Variants in IL13RA2 observed in about 807,000 individuals in gnomAD.
IL13RA2 encodes the protein interleukin-13 receptor subunit alpha-2.
IL13RA2 carries 25 observed loss-of-function variants against 34.1 expected under a neutral mutation model. The observed-to-expected ratio is 0.73, with a 90% CI of 0.53 to 1.03. The LOEUF is 1.03. Ranked by LOEUF, IL13RA2 falls within the 50% of genes least tolerant of loss-of-function variation. The pLI, the probability that IL13RA2 is intolerant of heterozygous loss-of-function variation, is 0.00. For missense variants in IL13RA2, 297 were observed against 280.9 expected, an observed-to-expected ratio of 1.06 and a Z score of -0.41; for synonymous variants, 106 against 100.4, an observed-to-expected ratio of 1.06 and a Z score of -0.33.
intron 2 of IL13RA2, among the ~76,000 whole-genome samples, chrX:115,016,230 T>C (rs1415300250): frequency 1.8e-5 from 2 of 111,572 alleles, no homozygotes; most frequent in Non-Finnish European, 3.8e-5. Context: ...ATAGTGGTGA[T>C]TGTTGCACAA....
intron 2 of IL13RA2, among the ~76,000 whole-genome samples, 199 bp downstream of exon 2, chrX:115,016,977 A>G (rs782052837): frequency 1.8e-5 from 2 of 111,155 alleles, no homozygotes; most frequent in African/African-American, 6.5e-5. Flanking sequence ...TGTCAACATC[A>G]GTTACCTTAT....
intron 1 of IL13RA2, 105 bp from the exon 2 acceptor site, chrX:115,017,407 GAA>G (rs1556510448): frequency 8.9e-6 from 4 of 447,112 alleles, no homozygotes; most frequent in Non-Finnish European, 1.6e-5. Flanking sequence ...TCTCTACCAA[GAA>G]CTGGGAAAAC....
rs1569507209 is a variant in IL13RA2 at position 115,008,074 on chromosome X, A to G, written c.855T>C (p.Thr285=). 8.7e-7 allele frequency: 1 copy of G among 1,148,893 alleles called. No individual in the cohort carries two copies. Among genetic ancestry groups the G allele is most frequent in the Non-Finnish European group, 1.2e-6 (1 of 840,738 alleles). 94.7% of individuals were successfully genotyped at this position (1,148,893 alleles called of 1,213,427 possible). A position where few individuals can be genotyped will look rare whatever the true frequency, so the allele number is the denominator to read the frequency against. Residue 285 remains threonine (T), a splice_region_variant and synonymous_variant, in exon 8 of 10, where the codon ACT becomes ACC. Transcript: ENST00000243213. ...EIREDDTTLV[T]ATVENETYTL... ...TGTATGTTTCATTTTCAACTGTAGC[A>G]GTCTGAAAGCCAAGGACAAAATCAG...
Position 115,014,474 on chromosome X carries a change from C to G in IL13RA2, c.347G>C (p.Gly116Ala). Residue 116 changes from glycine to alanine, a missense_variant, in exon 4 of 10, where the codon GGA becomes GCA. By Grantham distance (60) the Gly-to-Ala change is moderately conservative. Transcript: ENST00000243213. ...HTLLPWQCTN[G>A]SEVQSSWAET... Reference sequence around the variant, plus strand: ...TGCCCAGGAACTTTGAACTTCTGATCCATTTGTGCATTGCCATGGTAAAAG... The same window carrying G: ...TGCCCAGGAACTTTGAACTTCTGATGCATTTGTGCATTGCCATGGTAAAAG... 2 of 1,191,416 alleles carry G rather than the reference C, an allele frequency of 1.7e-6. No individual in the cohort carries two copies. Among genetic ancestry groups the G allele is most frequent in the South Asian group, 1.8e-5 (1 of 54,445 alleles).
intron 5 of IL13RA2, among the ~76,000 whole-genome samples, chrX:115,013,003 G>A (rs1336228752): frequency 9.0e-6 from 1 of 111,390 alleles, no homozygotes; most frequent in East Asian, 2.8e-4. Context: ...ATTGAGTGGA[G>A]CATTCACATT....
intron 3 of IL13RA2, among the ~76,000 whole-genome samples, chrX:115,014,835 T>C (rs781829938): frequency 2.7e-5 from 3 of 109,466 alleles, no homozygotes; most frequent in East Asian, 5.6e-4. Context: ...AAAAAAACTT[T>C]ATGGCAGAAA....
At chrX:115,015,465 T>TG (rs1397517980) in intron 3 of IL13RA2, among the ~76,000 whole-genome samples, 5 of 111,639 alleles carry the variant, frequency 4.5e-5, no homozygotes, top group African/African-American at 1.6e-4. Flanking sequence ...TTGTTTTTTT[T>TG]CTTGTTCTTC....
Position 115,005,169 on chromosome X carries a change from C to T in IL13RA2, c.1116+28G>A, listed in dbSNP as rs782340221. 7.5e-6 allele frequency: 5 copies of T among 665,209 alleles called. No individual in the cohort carries two copies. The South Asian group carries it at 8.7e-5, about 12-fold the overall frequency. 54.8% of individuals were successfully genotyped at this position (665,209 alleles called of 1,213,427 possible). On this transcript the variant is annotated intron_variant, in intron 9 of 9. Transcript: ENST00000243213. ...ATTTTAAAAATCTCCTATTCTCAGGCTAAACATCATAATGTTACACATCTT... is the reference window on the plus strand; with the variant it reads ...ATTTTAAAAATCTCCTATTCTCAGGTTAAACATCATAATGTTACACATCTT...
At position 115,009,680 on chromosome X, in the gene IL13RA2, G is replaced by A. The variant is rs782260331; in HGVS notation, c.707-14C>T. ...GCAAAGGTTTAACTGAAAAGCAAAAGAGAACCATTTCAACACGGAGATTGT... is the reference window on the plus strand; with the variant it reads ...GCAAAGGTTTAACTGAAAAGCAAAAAAGAACCATTTCAACACGGAGATTGT... On this transcript the variant is annotated splice_polypyrimidine_tract_variant and intron_variant, in intron 6 of 9. Coordinates refer to ENST00000243213, the MANE Select transcript of IL13RA2 (RefSeq NM_000640.3). The A allele has an allele frequency of 9.2e-6, 11 of 1,197,709 alleles. No homozygotes were observed. In the East Asian group the frequency reaches 3.0e-4, roughly 32 times the overall value.
In IL13RA2 at chrX:115,015,596, C is replaced by T. The variant is rs17095073; in HGVS notation, c.246+74G>A. On this transcript the variant is annotated intron_variant, in intron 3 of 9. Transcript: ENST00000243213. ...AACTATTGAGATATGGGAATTGGAG[C>T]GGACACTAAAGTCAGGAATCACAAA... The T allele has an allele frequency of 2.1e-3, 1,866 of 897,833 alleles. 18 individuals are homozygous for T. The African/African-American group carries it at 0.029, about 14-fold the overall frequency. 74.0% of individuals were successfully genotyped at this position (897,833 alleles called of 1,213,427 possible).
At position 115,009,068 on chromosome X, in the gene IL13RA2, T is replaced by C. The variant is rs782356005; in HGVS notation, c.852+453A>G. ...AAAGGCATCACCACATTGTTGGTGC[T>C]GGTGGCAGTAATTAGTCTTGCAACC... On this transcript the variant is annotated intron_variant, in intron 7 of 9. Coordinates refer to ENST00000243213, the MANE Select transcript of IL13RA2 (RefSeq NM_000640.3). 4.8e-3 allele frequency among the ~76,000 whole-genome samples: 535 copies of C among 111,741 alleles called. 3 individuals are homozygous for C. Among genetic ancestry groups the C allele is most frequent in the African/African-American group, 0.017 (523 of 30,750 alleles).
rs781785465 is a variant in IL13RA2 at position 115,013,772 on chromosome X, TA to T, written c.517del (p.Tyr173ThrfsTer23). The T allele has an allele frequency of 1.9e-6, 2 of 1,039,740 alleles. No homozygotes were observed. The highest frequency in any genetic ancestry group is 1.3e-6 in the Non-Finnish European group (1 of 748,374). The allele number at this position is 1,039,740 out of a possible 1,213,427, so 85.7% of individuals were successfully genotyped here. ...VLLDTNYNLF[Y>X]WYEGLDHALQ... ...TTCTAATTATAAAAATACTTACCAG[TA>T]AAACAAGTTGTAATTGGTATCAAGA... On this transcript the variant is annotated frameshift_variant, in exon 5 of 10. Transcript: ENST00000243213. LOFTEE classifies it high-confidence loss of function.
chrX:115,005,399 G>T (rs970474870), intron 8 of IL13RA2, 84 bp from the exon 9 acceptor site: 1 of 564,348 alleles, frequency 1.8e-6, no homozygotes, highest in Non-Finnish European at 3.1e-6. Context: ...AAATACTTCA[G>T]AACTGAGTTG....
rs782461966 is a variant in IL13RA2, at chrX:115,012,155, A to C, written c.522-1327T>G. On this transcript the variant is annotated intron_variant, in intron 5 of 9. Transcript: ENST00000243213. Reference sequence around the variant, plus strand: ...TTTATCTATTATTATTTTCTAAAGAAAGATGCCATGATAATTTGGAACTAG... The same window carrying C: ...TTTATCTATTATTATTTTCTAAAGACAGATGCCATGATAATTTGGAACTAG... 5.3e-4 allele frequency among the ~76,000 whole-genome samples: 59 copies of C among 112,345 alleles called. No homozygotes were observed. The South Asian group carries it at 6.6e-3, about 13-fold the overall frequency.
At position 115,015,210 on chromosome X, in the gene IL13RA2, A is replaced by C. The variant is rs943512662; in HGVS notation, c.246+460T>G. On this transcript the variant is annotated intron_variant, in intron 3 of 9. Coordinates refer to ENST00000243213, the MANE Select transcript of IL13RA2 (RefSeq NM_000640.3). ...TGAGTATATAAGTAGTTAATAATTC[A>C]AAACATTTTCATTGAGCTCTTACTA... 7.2e-5 allele frequency among the ~76,000 whole-genome samples: 8 copies of C among 111,707 alleles called. No homozygotes were observed. The Admixed American group carries it at 7.6e-4, about 11-fold the overall frequency.
chrX:115,006,495 C>T (rs1308306480), intron 8 of IL13RA2, among the ~76,000 whole-genome samples: 2 of 110,802 alleles, frequency 1.8e-5, no homozygotes, highest in Non-Finnish European at 3.8e-5. Flanking sequence ...CCAGCCTAGC[C>T]GACACGGTGA....
Position 115,014,572 on chromosome X carries a change from G to A in IL13RA2, c.249C>T (p.Thr83=). Residue 83 remains threonine, a splice_region_variant and synonymous_variant, in exon 4 of 10, where the codon ACC becomes ACT. Transcript: ENST00000243213. ...YRNIGSETWK[T]IITKNLHYKD... is the part of the protein sequence containing the mutation. ...TGTAATGTAGATTCTTAGTAATGAT[G>A]GTCTGTTTGACAAAAAGATGAGACA... The A allele has an allele frequency of 1.0e-5, 12 of 1,168,453 alleles. No individual in the cohort carries two copies. The highest frequency in any genetic ancestry group is 1.4e-5 in the Non-Finnish European group (12 of 864,247).
intron 3 of IL13RA2, 131 bp downstream of exon 3, chrX:115,015,539 G>A (rs1425876819): frequency 7.5e-6 from 4 of 530,647 alleles, no homozygotes; most frequent in Non-Finnish European, 1.3e-5. Context: ...GGAGACAGAA[G>A]CGGGTGTGGA....
chrX:115,015,703 T>A lies in IL13RA2; in HGVS notation c.213A>T (p.Leu71=). The A allele has an allele frequency of 8.3e-7, 1 of 1,203,540 alleles. No homozygotes were observed. Among genetic ancestry groups the A allele is most frequent in the African/African-American group, 1.7e-5 (1 of 57,738 alleles). ...HFKECTVEYE[L]KYRNIGSETW... Reference sequence around the variant, plus strand: ...TTTCACTACCAATGTTTCGGTATTTTAGTTCATATTCCACTGTGCATTCCT... The same window carrying A: ...TTTCACTACCAATGTTTCGGTATTTAAGTTCATATTCCACTGTGCATTCCT... The change falls in exon 3 of 10, where the codon CTA becomes CTT. Residue 71 remains leucine (L), a synonymous_variant. Transcript: ENST00000243213.
Sources: allele counts gnomAD v4.1 joint callset (sites outside exome capture counted in the v4.1 genomes callset), GRCh38; gene constraint gnomAD v4.1.1; transcripts MANE v1.5; gene names NCBI Gene and HGNC (gene_info 2026-07-23, HGNC 2026-07-21).